Variants in VWDE observed in about 807,000 individuals in gnomAD.
VWDE encodes the protein von Willebrand factor D and EGF domain-containing protein.
Under a neutral mutation model 178.4 loss-of-function variants are expected in VWDE, and 207 were observed. The observed-to-expected ratio is 1.16, with a 90% confidence interval of 1.04 to 1.30. The LOEUF is 1.30. Among genes scored for constraint, VWDE ranks in the 50% most tolerant of loss-of-function variants. VWDE has a pLI of 0.00. For synonymous variants in VWDE, 738 were observed against 651.4 expected (o/e 1.13, Z -2.02); for missense variants, 2,287 against 1,901.3 (o/e 1.20, Z -3.77).
At chr7:12,379,596 A>G (rs905147017) in intron 5 of VWDE, 30 bp from the exon 6 acceptor site, 4 of 1,482,744 alleles carry the variant, frequency 2.7e-6, no homozygotes, top group Non-Finnish European at 3.6e-6. Flanking sequence ...ATAATCACTT[A>G]GAAATTCAAT....
chr7:12,387,959 T>C (rs911040741), intron 3 of VWDE, among the ~76,000 whole-genome samples: 2 of 152,174 alleles, frequency 1.3e-5, no homozygotes, highest in Non-Finnish European at 2.9e-5. Context: ...AAAGCCATGA[T>C]ATATTTGTCA....
At chr7:12,372,831 G>A (rs185486644) in intron 10 of VWDE, 146 bp downstream of exon 10, 150 of 754,940 alleles carry the variant, frequency 2.0e-4, no homozygotes, top group African/African-American at 1.8e-3. Flanking sequence ...TGAGAAAAAT[G>A]TATTCCCTCT....
chr7:12,340,852 A>T lies in VWDE; in HGVS notation c.4271-435T>A, dbSNP rs537854323. ...TGTTCAAATACATGTAGCCATGCAC[A>T]CCTCTTTATCGCCTTCCCAATTAAA... On this transcript the variant is annotated intron_variant, in intron 23 of 28. Transcript: ENST00000275358. Among the ~76,000 whole-genome samples, 4 of 152,274 alleles carry T rather than the reference A, an allele frequency of 2.6e-5. No individual in the cohort carries two copies. The South Asian group carries it at 8.3e-4, about 32-fold the overall frequency.
chr7:12,400,327 G>T (rs1784840480), intron 1 of VWDE, among the ~76,000 whole-genome samples: 1 of 152,090 alleles, frequency 6.6e-6, no homozygotes, highest in Admixed American at 6.6e-5. Context: ...CCTCTAACTA[G>T]ATTTATGGAG....
At chr7:12,383,425 G>A in intron 4 of VWDE, 111 bp downstream of exon 4, 5 of 872,464 alleles carry the variant, frequency 5.7e-6, no homozygotes, top group Non-Finnish European at 8.9e-6. Context: ...CCAGACTTTG[G>A]TTATATCAAA....
intron 27 of VWDE, among the ~76,000 whole-genome samples, chr7:12,335,110 C>T (rs1353406108): frequency 6.6e-6 from 1 of 152,042 alleles, no homozygotes; most frequent in South Asian, 2.1e-4. Context: ...ATGGAGGGTA[C>T]ATTATTTCTA....
In VWDE at chr7:12,354,620, G is replaced by A. The variant is rs370768943; in HGVS notation, c.3745+1491C>T. ...CAAAAGAGCTGCTATGCATTATGAG[G>A]ACAGAAGTATGCTGTTTTTAAAACT... On this transcript the variant is annotated intron_variant, in intron 18 of 28. Transcript: ENST00000275358. The A allele has an allele frequency of 2.3e-4, 46 of 201,940 alleles. No homozygotes were observed. The East Asian group carries it at 6.5e-3, about 29-fold the overall frequency. 12.5% of individuals were successfully genotyped at this position (201,940 alleles called of 1,614,324 possible).
At chr7:12,386,162 G>C (rs1476461482) in intron 3 of VWDE, among the ~76,000 whole-genome samples, 1 of 151,992 alleles carries the variant, frequency 6.6e-6, no homozygotes, top group East Asian at 1.9e-4. Context: ...CAAATATTTG[G>C]TAATATTATA....
Position 12,356,237 on chromosome 7 carries a change from A to C in VWDE, c.3619T>G (p.Leu1207Val). The change falls in exon 18 of 29, where the codon TTG (leucine) becomes GTG (valine). Residue 1207 changes from leucine (L) to valine (V), a missense_variant. Physicochemically the swap from Leu to Val is conservative, Grantham distance 32. Coordinates refer to ENST00000275358, the MANE Select transcript of VWDE (RefSeq NM_001135924.3). ...PGSGVYLCVC[L>V]PGFHGSLCEV... is the part of the protein sequence containing the mutation. ...CAAAGGCTGCCATGGAAGCCAGGCA[A>C]GCAGACACACAGGTACACTCCACTC... 2 of 1,551,708 alleles carry C rather than the reference A, an allele frequency of 1.3e-6. No individual in the cohort carries two copies. The highest frequency in any genetic ancestry group is 1.7e-6 in the Non-Finnish European group (2 of 1,147,000).
intron 21 of VWDE, among the ~76,000 whole-genome samples, chr7:12,343,893 A>C (rs537646900): frequency 6.6e-6 from 1 of 152,228 alleles, no homozygotes; most frequent in South Asian, 2.1e-4. Context: ...CTTTGCTTGA[A>C]GCTAAAACAT....
intron 23 of VWDE, among the ~76,000 whole-genome samples, chr7:12,341,433 A>G (rs1781322875): frequency 6.6e-6 from 1 of 152,136 alleles, no homozygotes; most frequent in African/African-American, 2.4e-5. Context: ...GGAGTTTGAG[A>G]CCAGTCTGAC....
chr7:12,399,959 A>C (rs1446775891), intron 1 of VWDE, among the ~76,000 whole-genome samples: 1 of 152,186 alleles, frequency 6.6e-6, no homozygotes, highest in Non-Finnish European at 1.5e-5. Flanking sequence ...GAAATTAAAC[A>C]ACCGAAATAA....
In VWDE at chr7:12,367,633, T is replaced by C. The variant is rs10243423; in HGVS notation, c.2762-140A>G. ...CCTAAAATGCTGCTTACAACACTAA[T>C]TAAGCCATTAAATGTTAAGAGTAAT... On this transcript the variant is annotated intron_variant, in intron 12 of 28. Coordinates refer to ENST00000275358, the MANE Select transcript of VWDE (RefSeq NM_001135924.3). 340 of 624,138 alleles carry C rather than the reference T, an allele frequency of 5.4e-4. 1 individual carries two copies. In the African/African-American group the frequency reaches 6.1e-3, roughly 11 times the overall value. The allele number at this position is 624,138 out of a possible 1,614,324, so 38.7% of individuals were successfully genotyped here. A position where few individuals can be genotyped will look rare whatever the true frequency, so the allele number is the denominator to read the frequency against.
At chr7:12,368,499 C>G (rs1220798786) in intron 12 of VWDE, among the ~76,000 whole-genome samples, 1 of 152,032 alleles carries the variant, frequency 6.6e-6, no homozygotes, top group African/African-American at 2.4e-5. Flanking sequence ...GAGGTGGAAG[C>G]AGGCCTGGCT....
intron 16 of VWDE, among the ~76,000 whole-genome samples, chr7:12,358,332 C>A (rs1250029529): frequency 6.6e-6 from 1 of 150,622 alleles, no homozygotes; most frequent in Non-Finnish European, 1.5e-5. Context: ...TGAGATCGTG[C>A]CACTGCGCTC....
At chr7:12,376,051 T>G (rs1783512306) in intron 7 of VWDE, among the ~76,000 whole-genome samples, 1 of 152,106 alleles carries the variant, frequency 6.6e-6, no homozygotes, top group Non-Finnish European at 1.5e-5. Context: ...TCCATACAGA[T>G]TTTTTAGGTA....
chr7:12,359,714 A>T, intron 15 of VWDE, 22 bp from the exon 16 acceptor site: 4 of 1,445,630 alleles, frequency 2.8e-6, no homozygotes, highest in Non-Finnish European at 3.8e-6. Context: ...TTTTTAAAAA[A>T]GAAAACATCA....
rs1781696517 is a variant in VWDE, at chr7:12,347,869, A to G, written c.3887-3400T>C. The stretch of plus-strand genomic sequence containing the variant: ...CAAAACAGCATGGCACTGGTACCAA[A>G]ACAGAGATATAGATCAATAGAACAG... On this transcript the variant is annotated intron_variant, in intron 19 of 28. Coordinates refer to ENST00000275358, the MANE Select transcript of VWDE (RefSeq NM_001135924.3). Among the ~76,000 whole-genome samples, 4 of 152,248 alleles carry G rather than the reference A, an allele frequency of 2.6e-5. No individual in the cohort carries two copies. In the South Asian group the frequency reaches 8.3e-4, roughly 32 times the overall value.
At chr7:12,347,227 T>C (rs1201425635) in intron 19 of VWDE, among the ~76,000 whole-genome samples, 1 of 152,146 alleles carries the variant, frequency 6.6e-6, no homozygotes, top group African/African-American at 2.4e-5. Context: ...ACCAAATTGT[T>C]TTAAGTGAAC....
Sources: gnomAD v4.1 joint callset for allele counts (sites outside exome capture counted in the v4.1 genomes callset) on GRCh38, gnomAD v4.1.1 for gene constraint, MANE v1.5 for transcripts, NCBI Gene and HGNC (gene_info 2026-07-23, HGNC 2026-07-21) for gene names.